Variants in GALNT14 observed in about 807,000 individuals in gnomAD.
GALNT14 encodes the protein UDP-GalNAc:polypeptide N-acetylgalactosaminyltransferase 14.
A neutral mutation model predicts 77.5 loss-of-function variants in GALNT14; 60 were observed. That is an observed-to-expected ratio of 0.77 (90% CI 0.63 to 0.96). GALNT14 has a LOEUF of 0.96. Among genes scored for constraint, GALNT14 ranks in the 40% least tolerant of loss-of-function variants. GALNT14 has a pLI of 0.00. For missense variants in GALNT14, 710 were observed against 731.0 expected, an observed-to-expected ratio of 0.97 and a Z score of 0.33; for synonymous variants, 280 against 281.7, an observed-to-expected ratio of 0.99 and a Z score of 0.06.
chr2:31,137,797 A>G (rs1002634908), intron 1 of GALNT14, among the ~76,000 whole-genome samples, 161 bp downstream of exon 1: 3 of 152,078 alleles, frequency 2.0e-5, no homozygotes, highest in African/African-American at 7.2e-5. Context: ...AGCGTTTTAA[A>G]ATCCAGAAAC....
intron 1 of GALNT14, among the ~76,000 whole-genome samples, chr2:31,118,638 CATCAAAA>C (rs1678234901): frequency 6.6e-6 from 1 of 152,084 alleles, no homozygotes; most frequent in South Asian, 2.1e-4. Flanking sequence ...AAGCCATTTG[CATCAAAA>C]TCAAGAGAGT....
intron 6 of GALNT14, 130 bp from the exon 7 acceptor site, chr2:30,946,000 G>C: frequency 1.5e-6 from 1 of 684,114 alleles, no homozygotes; most frequent in Non-Finnish European, 2.6e-6. Context: ...TTTCATCTCT[G>C]GATCTTAATT....
chr2:30,919,213 G>A (rs1664885062), intron 13 of GALNT14, among the ~76,000 whole-genome samples: 1 of 132,814 alleles, frequency 7.5e-6, no homozygotes, highest in Non-Finnish European at 1.6e-5. Flanking sequence ...ACCTTCTCGG[G>A]CTTCACATGT....
intron 1 of GALNT14, among the ~76,000 whole-genome samples, chr2:30,993,504 T>G: frequency 6.6e-6 from 1 of 152,210 alleles, no homozygotes; most frequent in East Asian, 1.9e-4. Flanking sequence ...CTGTCATTCC[T>G]CCTCTGCTGT....
chr2:31,027,295 G>A (rs948905588), intron 1 of GALNT14, among the ~76,000 whole-genome samples: 2 of 152,232 alleles, frequency 1.3e-5, no homozygotes, highest in Non-Finnish European at 2.9e-5. Context: ...AGCCGGGCAT[G>A]GTGGCACATG....
chr2:31,090,449 T>C (rs900361200), intron 1 of GALNT14, among the ~76,000 whole-genome samples: 2 of 149,056 alleles, frequency 1.3e-5, no homozygotes, highest in African/African-American at 4.9e-5. Flanking sequence ...AAGCTCCAGC[T>C]CTGCTTGCAC....
chr2:31,084,631 T>C (rs1441002858), intron 1 of GALNT14, among the ~76,000 whole-genome samples: 1 of 152,192 alleles, frequency 6.6e-6, no homozygotes, highest in Non-Finnish European at 1.5e-5. Flanking sequence ...GTCTCTCTGC[T>C]CCTTGGTAGC....
intron 1 of GALNT14, among the ~76,000 whole-genome samples, chr2:31,110,121 A>C (rs1677762347): frequency 6.6e-6 from 1 of 152,092 alleles, no homozygotes; most frequent in Non-Finnish European, 1.5e-5. Context: ...TCTTTCAAAA[A>C]CTGGTTTAAT....
At chr2:31,126,252 A>T (rs1678693884) in intron 1 of GALNT14, among the ~76,000 whole-genome samples, 1 of 152,184 alleles carries the variant, frequency 6.6e-6, no homozygotes, top group South Asian at 2.1e-4. Context: ...CCAGGTTCTA[A>T]AGGCAAGTTG....
chr2:31,067,876 C>T (rs979812197), intron 1 of GALNT14, among the ~76,000 whole-genome samples: 6 of 152,166 alleles, frequency 3.9e-5, no homozygotes, highest in Non-Finnish European at 8.8e-5. Context: ...TCTGGGCATG[C>T]ACACCGTTAC....
chr2:31,088,006 A>G (rs1254602998), intron 1 of GALNT14, among the ~76,000 whole-genome samples: 2 of 152,208 alleles, frequency 1.3e-5, no homozygotes, highest in African/African-American at 2.4e-5. Context: ...TGGACCTTTG[A>G]CCAGATACAG....
At chr2:31,128,366 C>T (rs1003839871) in intron 1 of GALNT14, among the ~76,000 whole-genome samples, 1 of 152,174 alleles carries the variant, frequency 6.6e-6, no homozygotes, top group Non-Finnish European at 1.5e-5. Flanking sequence ...GCACCCTCTA[C>T]ATTAAGGTGA....
chr2:31,063,277 T>C (rs1674718800), intron 1 of GALNT14, among the ~76,000 whole-genome samples: 1 of 152,226 alleles, frequency 6.6e-6, no homozygotes, highest in African/African-American at 2.4e-5. Flanking sequence ...TTTCTGCATA[T>C]GGCTAACCAG....
intron 2 of GALNT14, among the ~76,000 whole-genome samples, chr2:30,983,961 C>T (rs1397169341): frequency 1.3e-5 from 2 of 152,178 alleles, no homozygotes; most frequent in South Asian, 2.1e-4. Flanking sequence ...CTGTGTGACC[C>T]TGGACAAGTC....
intron 6 of GALNT14, among the ~76,000 whole-genome samples, chr2:30,950,399 C>G (rs1193709045): frequency 1.3e-5 from 2 of 152,160 alleles, no homozygotes; most frequent in Non-Finnish European, 2.9e-5. Flanking sequence ...CGGATGACAG[C>G]TGAAGCCCAG....
intron 1 of GALNT14, among the ~76,000 whole-genome samples, chr2:31,056,857 A>T (rs187713999): frequency 6.6e-6 from 1 of 152,312 alleles, no homozygotes; most frequent in African/African-American, 2.4e-5. Flanking sequence ...ACTACACACG[A>T]TCGCAAACAC....
At position 31,024,064 on chromosome 2, in the gene GALNT14, C is replaced by G. The variant is rs1288486927; in HGVS notation, c.130-31057G>C. On this transcript the variant is annotated intron_variant, in intron 1 of 14. Coordinates refer to ENST00000349752, the MANE Select transcript of GALNT14 (RefSeq NM_024572.4). ...CTGAGCTTCCCCATCTTAGTAGAGG[C>G]AAATCCATGCTTCCCATTTCCCCAG... Among the ~76,000 whole-genome samples the G allele has an allele frequency of 8.0e-5, 12 of 149,072 alleles. No individual in the cohort carries two copies. The Admixed American group carries it at 8.2e-4, about 10-fold the overall frequency.
intron 1 of GALNT14, among the ~76,000 whole-genome samples, chr2:31,113,031 C>G (rs563002415): frequency 6.6e-6 from 1 of 152,336 alleles, no homozygotes; most frequent in Non-Finnish European, 1.5e-5. Context: ...ACTGAAACCC[C>G]TCTCTTAGAC....
At position 30,912,572 on chromosome 2, in the gene GALNT14, G is replaced by A. The variant is rs138124235; in HGVS notation, c.1381-230C>T. Among the ~76,000 whole-genome samples the A allele has an allele frequency of 2.2e-4, 33 of 152,358 alleles. No homozygotes were observed. In the Middle Eastern group the frequency reaches 0.01, roughly 47 times the overall value. On this transcript the variant is annotated intron_variant, in intron 13 of 14. Coordinates refer to ENST00000349752, the MANE Select transcript of GALNT14 (RefSeq NM_024572.4). The stretch of plus-strand genomic sequence containing the variant: ...ACCCCATGAAGGGGCCTGGGCCTGG[G>A]CCATTCAGGCTGCCTCTGGGAGTCC...
Sources: gnomAD v4.1 joint callset for allele counts (sites outside exome capture counted in the v4.1 genomes callset) on GRCh38, gnomAD v4.1.1 for gene constraint, MANE v1.5 for transcripts, NCBI Gene and HGNC (gene_info 2026-07-23, HGNC 2026-07-21) for gene names.